The following FRY variants were observed in gnomAD, a reference collection of about 807,000 sequenced individuals.
FRY encodes FRY microtubule binding protein, also known as protein furry homolog.
FRY carries 128 observed loss-of-function variants against 348.4 expected under a neutral mutation model. The observed-to-expected ratio is 0.37, with a 90% CI of 0.32 to 0.43. The LOEUF (loss-of-function observed/expected upper bound fraction) is 0.43. FRY is among the 20% of genes least tolerant of loss of function. The pLI, the probability that FRY is intolerant of heterozygous loss-of-function variation, is 1.00. For synonymous variants in FRY, 1,370 were observed against 1,374.7 expected (o/e 1.00, Z 0.08); for missense variants, 2,736 against 3,695.2 (o/e 0.74, Z 6.73).
chr13:32,290,375 G>C (rs1889277265), intron 59 of FRY, among the ~76,000 whole-genome samples: 1 of 152,130 alleles, frequency 6.6e-6, no homozygotes, highest in Admixed American at 6.5e-5. Flanking sequence ...GGGTAAGAAA[G>C]GTTGAAACTG....
chr13:32,258,844 G>A (rs1405800312), intron 51 of FRY, among the ~76,000 whole-genome samples: 1 of 152,038 alleles, frequency 6.6e-6, no homozygotes, highest in Non-Finnish European at 1.5e-5. Context: ...AGTGACCTAT[G>A]ATCAGTCTCT....
chr13:32,166,340 T>C (rs1301351736), intron 17 of FRY, among the ~76,000 whole-genome samples: 3 of 152,232 alleles, frequency 2.0e-5, no homozygotes, highest in African/African-American at 7.2e-5. Flanking sequence ...ACCTGTTCTT[T>C]CTTTCCTGGT....
chr13:32,117,192 T>C (rs981160324), intron 3 of FRY, 142 bp from the exon 4 acceptor site: 11 of 748,454 alleles, frequency 1.5e-5, no homozygotes, highest in Non-Finnish European at 2.3e-5. Context: ...GGGAATGTAC[T>C]AATAAAGATT....
intron 29 of FRY, among the ~76,000 whole-genome samples, chr13:32,197,506 G>A (rs1445962657): frequency 1.3e-5 from 2 of 152,110 alleles, no homozygotes; most frequent in African/African-American, 2.4e-5. Context: ...ACCATCTTGG[G>A]TTCAAATCCT....
At chr13:32,049,490 A>G (rs1212409547) in intron 1 of FRY, among the ~76,000 whole-genome samples, 1 of 152,122 alleles carries the variant, frequency 6.6e-6, no homozygotes, top group Non-Finnish European at 1.5e-5. Context: ...GCTGGAGTGC[A>G]GTGGCACGAT....
intron 1 of FRY, among the ~76,000 whole-genome samples, chr13:32,035,069 T>C (rs1872441089): frequency 6.6e-6 from 1 of 152,230 alleles, no homozygotes; most frequent in African/African-American, 2.4e-5. Context: ...GTAAAGCACT[T>C]AGCACAATAC....
rs998925697 is a variant in FRY, at chr13:32,209,216, A to T, written c.4275+107A>T. 6 of 1,255,170 alleles carry T rather than the reference A, an allele frequency of 4.8e-6. No homozygotes were observed. In the African/African-American group the frequency reaches 5.9e-5, roughly 12 times the overall value. 77.8% of individuals were successfully genotyped at this position (1,255,170 alleles called of 1,614,324 possible). A position where few individuals can be genotyped will look rare whatever the true frequency, so the allele number is the denominator to read the frequency against. ...ATGGGATTCCTTTAAAAATCACATG[A>T]CTGGGGATAAATAGTGGTGATGGTT... On this transcript the variant is annotated intron_variant, in intron 32 of 60. Coordinates refer to ENST00000542859, the MANE Select transcript of FRY (RefSeq NM_023037.3).
intron 49 of FRY, among the ~76,000 whole-genome samples, chr13:32,251,408 T>TTA (rs1385404245): frequency 6.6e-6 from 1 of 152,220 alleles, no homozygotes. Context: ...TGCTGTAACT[T>TTA]AATAAAGTGT....
chr13:32,261,899 A>C, intron 52 of FRY, 83 bp downstream of exon 52: 6 of 1,303,742 alleles, frequency 4.6e-6, no homozygotes, highest in Non-Finnish European at 5.5e-6. Context: ...AGTTGCAGCT[A>C]AGGAAACTTT....
chr13:32,223,412 A>C (rs1445781242), intron 36 of FRY, among the ~76,000 whole-genome samples: 2 of 152,220 alleles, frequency 1.3e-5, no homozygotes, highest in Admixed American at 1.3e-4. Flanking sequence ...AGTAATAACT[A>C]TGCAAGTAGT....
intron 12 of FRY, 87 bp from the exon 13 acceptor site, chr13:32,147,752 G>T (rs930178285): frequency 7.4e-6 from 6 of 810,878 alleles, no homozygotes; most frequent in Admixed American, 6.9e-5. Flanking sequence ...CTGATTCTTA[G>T]ATAAGATGAA....
chr13:32,180,111 G>T (rs983857680), intron 23 of FRY, among the ~76,000 whole-genome samples: 5 of 152,178 alleles, frequency 3.3e-5, no homozygotes, highest in African/African-American at 1.2e-4. Context: ...CTGTTCAGAG[G>T]TTATCACATC....
At chr13:32,099,264 G>A (rs1876988365) in intron 2 of FRY, among the ~76,000 whole-genome samples, 2 of 151,164 alleles carry the variant, frequency 1.3e-5, no homozygotes, top group South Asian at 4.2e-4. Context: ...ATATATATAT[G>A]TGTATATATG....
intron 8 of FRY, among the ~76,000 whole-genome samples, chr13:32,133,764 C>CT (rs1259372646): frequency 0.037 from 3,959 of 106,226 alleles, 90 homozygotes; most frequent in Non-Finnish European, 0.061. Flanking sequence ...TTCTTTCTTT[C>CT]TTTCTTTTTT....
intron 58 of FRY, among the ~76,000 whole-genome samples, chr13:32,286,524 G>T (rs556243373): frequency 2.0e-5 from 3 of 152,062 alleles, no homozygotes; most frequent in South Asian, 2.1e-4. Flanking sequence ...GAGGCAGGCG[G>T]ATCACAAGGT....
chr13:32,061,524 A>G (rs1404298738), intron 1 of FRY, among the ~76,000 whole-genome samples: 1 of 152,192 alleles, frequency 6.6e-6, no homozygotes, highest in Non-Finnish European at 1.5e-5. Flanking sequence ...AATAATTAAT[A>G]GCATCATATT....
chr13:32,079,001 C>A lies in FRY; in HGVS notation c.238C>A (p.Arg80Ser). The A allele has an allele frequency of 6.2e-7, 1 of 1,613,676 alleles. No individual in the cohort carries two copies. The highest frequency in any genetic ancestry group is 2.2e-5 in the East Asian group (1 of 44,878). Reference protein sequence around the residue: ...LFVNFTTQAERKIRIIMAEPL... With the variant: ...LFVNFTTQAESKIRIIMAEPL... ...TGTCAACTTCACCACTCAGGCTGAACGCAAGATTCGTATCATTATGGCAGA... is the reference window on the plus strand; with the variant it reads ...TGTCAACTTCACCACTCAGGCTGAAAGCAAGATTCGTATCATTATGGCAGA... Residue 80 changes from arginine (R) to serine (S), a missense_variant, in exon 2 of 61, where the codon CGC becomes AGC. By Grantham distance (110) the Arg-to-Ser change is moderately radical. This residue lies in a region of FRY where 309 missense variants were observed against 418.1 expected (regional missense o/e 0.74). Transcript: ENST00000542859.
At chr13:32,158,152 T>G (rs1205644036) in intron 16 of FRY, among the ~76,000 whole-genome samples, 1 of 152,232 alleles carries the variant, frequency 6.6e-6, no homozygotes, top group Non-Finnish European at 1.5e-5. Flanking sequence ...GCATTTTTTT[T>G]TGTGATAGTA....
At chr13:32,144,698 T>G (rs1880291586) in intron 11 of FRY, among the ~76,000 whole-genome samples, 1 of 152,130 alleles carries the variant, frequency 6.6e-6, no homozygotes, top group African/African-American at 2.4e-5. Context: ...AAAAGACCTA[T>G]CAGAAAGTTA....
Sources: allele counts gnomAD v4.1 joint callset (sites outside exome capture counted in the v4.1 genomes callset), GRCh38; gene constraint gnomAD v4.1.1; regional missense constraint gnomAD v4.1.1; transcripts MANE v1.5; gene names NCBI Gene and HGNC (gene_info 2026-07-23, HGNC 2026-07-21).